DKK3: variants seen among roughly 807,000 people sequenced by gnomAD.
DKK3 encodes dickkopf-related protein 3.
A neutral mutation model predicts 33.2 loss-of-function variants in DKK3; 22 were observed. The observed-to-expected ratio is 0.66, with a 90% CI of 0.47 to 0.95. DKK3 has a LOEUF of 0.95. Ranked by LOEUF, DKK3 falls within the 40% of genes least tolerant of loss-of-function variation. The probability of loss-of-function intolerance (pLI) is 0.00; values close to 1 mark genes in which losing one functional copy is unlikely to be tolerated. For missense variants in DKK3, 398 were observed against 458.4 expected, an observed-to-expected ratio of 0.87 and a Z score of 1.20; for synonymous variants, 194 against 188.8, an observed-to-expected ratio of 1.03 and a Z score of -0.23.
intron 2 of DKK3, among the ~76,000 whole-genome samples, chr11:12,001,246 T>C (rs1848420960): frequency 6.6e-6 from 1 of 152,220 alleles, no homozygotes; most frequent in Non-Finnish European, 1.5e-5. Context: ...AAGGATTATG[T>C]TCTGCTGGTA....
At chr11:11,993,410 C>T (rs917203347) in intron 3 of DKK3, among the ~76,000 whole-genome samples, 2 of 151,688 alleles carry the variant, frequency 1.3e-5, no homozygotes, top group Non-Finnish European at 2.9e-5. Flanking sequence ...TTGAAGACAA[C>T]CTTTTATACC....
At chr11:11,985,092 C>T (rs544824119) in intron 3 of DKK3, among the ~76,000 whole-genome samples, 39 of 152,300 alleles carry the variant, frequency 2.6e-4, no homozygotes, top group Admixed American at 2.1e-3. Flanking sequence ...ACGTGGAACT[C>T]CAGCTCCAAG....
chr11:11,982,665 C>T (rs1379579186), intron 3 of DKK3, among the ~76,000 whole-genome samples: 2 of 152,148 alleles, frequency 1.3e-5, no homozygotes, highest in Non-Finnish European at 2.9e-5. Flanking sequence ...TCTGGGCCTT[C>T]CCGCTTCCAT....
chr11:11,984,007 C>T (rs751997321), intron 3 of DKK3, among the ~76,000 whole-genome samples: 4 of 152,218 alleles, frequency 2.6e-5, no homozygotes, highest in Non-Finnish European at 4.4e-5. Flanking sequence ...AGGCAACAGA[C>T]AGATCCTTCT....
chr11:11,976,204 C>T (rs1398983422), intron 3 of DKK3, among the ~76,000 whole-genome samples: 10 of 152,184 alleles, frequency 6.6e-5, no homozygotes, highest in Admixed American at 1.3e-4. Flanking sequence ...CTTCCCATTA[C>T]CAACAGCACA....
chr11:11,971,793 G>C (rs897611661), intron 3 of DKK3, among the ~76,000 whole-genome samples: 1 of 152,098 alleles, frequency 6.6e-6, no homozygotes, highest in Admixed American at 6.5e-5. Flanking sequence ...GCATGACAAA[G>C]CATATTCCCT....
intron 3 of DKK3, 130 bp from the exon 4 acceptor site, chr11:11,968,617 C>T: frequency 1.3e-6 from 1 of 779,740 alleles, no homozygotes; most frequent in Non-Finnish European, 2.0e-6. Flanking sequence ...TCAGGAAAGG[C>T]CTCCAGACTC....
intron 3 of DKK3, among the ~76,000 whole-genome samples, chr11:11,981,130 C>T (rs941465987): frequency 6.6e-6 from 1 of 152,252 alleles, no homozygotes; most frequent in South Asian, 2.1e-4. Context: ...TTCTAATGAA[C>T]TAACTGTGGA....
intron 3 of DKK3, among the ~76,000 whole-genome samples, chr11:11,976,864 G>A (rs902248801): frequency 1.3e-5 from 2 of 152,180 alleles, no homozygotes; most frequent in Admixed American, 6.5e-5. Context: ...CCAGTCGCAG[G>A]AGCCTGTAAG....
chr11:12,007,450 G>C (rs967542948), intron 1 of DKK3, among the ~76,000 whole-genome samples: 1 of 152,208 alleles, frequency 6.6e-6, no homozygotes, highest in African/African-American at 2.4e-5. Context: ...CCTGGACAGA[G>C]AGGGCTGGGC....
chr11:11,986,607 C>A (rs1274192393), intron 3 of DKK3, among the ~76,000 whole-genome samples: 1 of 152,092 alleles, frequency 6.6e-6, no homozygotes, highest in Non-Finnish European at 1.5e-5. Flanking sequence ...CAAGCTGTAA[C>A]CCGGGAATGG....
At chr11:11,980,043 G>A (rs1564912940) in intron 3 of DKK3, 2 of 152,272 alleles carry the variant, frequency 1.3e-5, no homozygotes, top group Non-Finnish European at 2.9e-5. Flanking sequence ...GGAGCTCTGT[G>A]GCAGCTCTCT....
chr11:12,002,406 G>C lies in DKK3; in HGVS notation c.245C>G (p.Ser82Ter). The change falls in exon 2 of 7, where the codon TCA becomes TGA. Residue 82 changes from serine (S) to a stop codon, truncating the protein, a stop_gained. Coordinates refer to ENST00000683431, the MANE Select transcript of DKK3 (RefSeq NM_001018057.2). LOFTEE classifies it high-confidence loss of function. ...MEAEEAAAKA[S>*]SEVNLANLPP... ...TAAGTTTGCCAGGTTCACTTCTGAT[G>C]ATGCTTTAGCAGCAGCTTCTTCTGC... 1.2e-6 allele frequency: 2 copies of C among 1,613,786 alleles called. No individual in the cohort carries two copies. The highest frequency in any genetic ancestry group is 1.7e-6 in the Non-Finnish European group (2 of 1,179,938).
At chr11:12,008,853 T>C, upstream of DKK3, 1 of 1,148,280 alleles carries the variant, frequency 8.7e-7, no homozygotes. The surrounding 1 kb of genome is among the most constrained non-coding windows in gnomAD (Gnocchi z 4.6). Context: ...GAGCACAAGC[T>C]GAGCTCTGCT....
At chr11:12,008,708 T>C (rs1590566692), upstream of DKK3, 1 of 1,029,314 alleles carries the variant, frequency 9.7e-7, no homozygotes, top group East Asian at 4.3e-5. The surrounding 1 kb of genome is among the most constrained non-coding windows in gnomAD (Gnocchi z 4.6). Flanking sequence ...CTGGCGCCCC[T>C]CTTTCCCGCA....
At chr11:11,989,554 A>G (rs572731663) in intron 3 of DKK3, among the ~76,000 whole-genome samples, 9 of 152,318 alleles carry the variant, frequency 5.9e-5, no homozygotes, top group African/African-American at 1.9e-4. Flanking sequence ...TCATACAGAC[A>G]GAAAGAAGAA....
chr11:11,988,851 A>AG (rs1481157508), intron 3 of DKK3, among the ~76,000 whole-genome samples: 2 of 152,220 alleles, frequency 1.3e-5, no homozygotes, highest in East Asian at 3.9e-4. Context: ...GACCAGGGTG[A>AG]GGGGTGAGAA....
rs1291477589 is a variant in DKK3, at chr11:11,964,539, C to T, written c.978G>A (p.Arg326=). The T allele has an allele frequency of 6.2e-7, 1 of 1,614,130 alleles. No homozygotes were observed. Among genetic ancestry groups the T allele is most frequent in the South Asian group, 1.1e-5 (1 of 91,084 alleles). Residue 326 remains arginine (R), a synonymous_variant, in exon 7 of 7, where the codon AGG becomes AGA. Transcript: ENST00000683431. ...EVRQELEDLE[R]SLTEEMALRE... Reference sequence around the variant, plus strand: ...TCAGCGCCATCTCTTCAGTCAGGCTCCTCTCCAGGTCCTCCAGCTCCTGGC... The same window carrying T: ...TCAGCGCCATCTCTTCAGTCAGGCTTCTCTCCAGGTCCTCCAGCTCCTGGC...
At position 11,983,019 on chromosome 11, in the gene DKK3, G is replaced by C. The variant is rs78135224; in HGVS notation, c.436-14532C>G. Reference sequence around the variant, plus strand: ...ATTCAGGGACAGGGTGGAAGCGCATGCTTCTGTTTTTCAGTAATTACAAAA... The same window carrying C: ...ATTCAGGGACAGGGTGGAAGCGCATCCTTCTGTTTTTCAGTAATTACAAAA... On this transcript the variant is annotated intron_variant, in intron 3 of 6. Transcript: ENST00000683431. Among the ~76,000 whole-genome samples, 571 of 152,310 alleles carry C rather than the reference G, an allele frequency of 3.7e-3. 2 individuals are homozygous for C. The highest frequency in any genetic ancestry group is 0.013 in the African/African-American group (544 of 41,564).
Sources: allele counts gnomAD v4.1 joint callset (sites outside exome capture counted in the v4.1 genomes callset), GRCh38; gene constraint gnomAD v4.1.1; non-coding constraint Gnocchi (gnomAD v3.1); transcripts MANE v1.5; gene names NCBI Gene and HGNC (gene_info 2026-07-23, HGNC 2026-07-21).